Variants in MID1 observed in about 807,000 individuals in gnomAD.
MID1 encodes midline 1, also known as E3 ubiquitin-protein ligase Midline-1.
Under a neutral mutation model 40.4 loss-of-function variants are expected in MID1, and 7 were observed. The observed-to-expected ratio is 0.17, with a 90% CI of 0.10 to 0.33. The LOEUF (loss-of-function observed/expected upper bound fraction) is 0.33, where lower values mean the gene tolerates loss of function less well. MID1 is among the 10% of genes least tolerant of loss of function. The pLI is 1.00. For synonymous variants in MID1, 229 were observed against 221.2 expected (o/e 1.04, Z -0.31); for missense variants, 367 against 558.5 (o/e 0.66, Z 3.46).
At chrX:10,609,713 T>A (rs1342681294) in intron 1 of MID1, among the ~76,000 whole-genome samples, 1 of 104,449 alleles carries the variant, frequency 9.6e-6, no homozygotes, top group African/African-American at 3.8e-5. Flanking sequence ...CTTTCTTTCT[T>A]TCTTTTTTTT....
At chrX:10,522,222 T>G (rs1279301751) in intron 3 of MID1, among the ~76,000 whole-genome samples, 1 of 111,619 alleles carries the variant, frequency 9.0e-6, no homozygotes, top group African/African-American at 3.3e-5. Context: ...TAAGGAAATT[T>G]GGACACATAT....
chrX:10,482,287 C>T (rs1930373392), intron 5 of MID1, among the ~76,000 whole-genome samples, 193 bp downstream of exon 5: 1 of 111,690 alleles, frequency 9.0e-6, no homozygotes, highest in African/African-American at 3.3e-5. Context: ...AGACTCCAGG[C>T]TGTTACTGAA....
At chrX:10,777,694 C>G (rs2043815590) in intron 1 of MID1, among the ~76,000 whole-genome samples, 1 of 109,788 alleles carries the variant, frequency 9.1e-6, no homozygotes, top group African/African-American at 3.3e-5. Context: ...GCATGTGCCA[C>G]CACGCCTGGC....
chrX:10,619,057 T>C (rs1332145804), intron 1 of MID1, among the ~76,000 whole-genome samples: 2 of 111,536 alleles, frequency 1.8e-5, no homozygotes, highest in African/African-American at 6.5e-5. Flanking sequence ...AGACGGCACT[T>C]GCTCCTCCGC....
chrX:10,632,897 T>C (rs1271995812), intron 1 of MID1, among the ~76,000 whole-genome samples: 3 of 111,572 alleles, frequency 2.7e-5, no homozygotes, highest in Non-Finnish European at 5.6e-5. Context: ...GATAAAGTTT[T>C]ATTGGAATGC....
At chrX:10,502,452 T>G (rs906663233) in intron 3 of MID1, among the ~76,000 whole-genome samples, 14 of 111,586 alleles carry the variant, frequency 1.3e-4, no homozygotes, top group Non-Finnish European at 2.4e-4. Context: ...GATATTCTAT[T>G]TCTGGGTGTT....
intron 1 of MID1, among the ~76,000 whole-genome samples, chrX:10,811,123 C>T (rs2147152573): frequency 9.0e-6 from 1 of 111,584 alleles, no homozygotes; most frequent in South Asian, 3.8e-4. Flanking sequence ...TAGCTTATGA[C>T]AACAATGTCA....
intron 1 of MID1, among the ~76,000 whole-genome samples, chrX:10,722,715 G>C (rs2043365065): frequency 1.8e-5 from 2 of 112,034 alleles, no homozygotes; most frequent in Admixed American, 1.9e-4. Context: ...GAGGCCATCA[G>C]AAACCCAAGC....
intron 1 of MID1, among the ~76,000 whole-genome samples, chrX:10,775,758 G>A (rs1358950944): frequency 2.7e-5 from 3 of 111,405 alleles, no homozygotes; most frequent in Non-Finnish European, 5.6e-5. Flanking sequence ...TGTGGGTAAT[G>A]AGACCCAAGA....
chrX:10,778,564 T>C (rs1486699672), intron 1 of MID1, among the ~76,000 whole-genome samples: 2 of 112,377 alleles, frequency 1.8e-5, no homozygotes, highest in Non-Finnish European at 3.8e-5. Context: ...GATAGAAAGA[T>C]GATCCTGGAT....
At chrX:10,583,193 G>A (rs1935058565) in intron 1 of MID1, among the ~76,000 whole-genome samples, 2 of 111,607 alleles carry the variant, frequency 1.8e-5, no homozygotes, top group Admixed American at 1.9e-4. Context: ...CCTGCCCTTG[G>A]AGAGCTTACA....
intron 1 of MID1, among the ~76,000 whole-genome samples, chrX:10,640,456 C>A (rs1160915653): frequency 4.5e-5 from 5 of 111,082 alleles, no homozygotes; most frequent in African/African-American, 1.3e-4. Context: ...ATTCAACAAG[C>A]AGAGCTAACT....
chrX:10,599,395 G>A (rs978740371), intron 1 of MID1, among the ~76,000 whole-genome samples: 5 of 111,853 alleles, frequency 4.5e-5, no homozygotes, highest in Non-Finnish European at 7.5e-5. Context: ...CCTATAATGG[G>A]CTGCTCAAAG....
chrX:10,817,598 T>C (rs1168505654), intron 1 of MID1, among the ~76,000 whole-genome samples: 3 of 104,455 alleles, frequency 2.9e-5, no homozygotes, highest in African/African-American at 1.1e-4. Context: ...CTCTCTCTCT[T>C]TCTTTTCTTT....
chrX:10,788,989 AACAAAAACCAAAAAACAAAAACAAAG>A (rs998670354), intron 1 of MID1, among the ~76,000 whole-genome samples: 2 of 110,538 alleles, frequency 1.8e-5, no homozygotes, highest in African/African-American at 6.7e-5. Context: ...CAAAAACAAA[AACAAAAACCAAAAAACAAAAACAAAG>A]CAAACACAAA....
intron 1 of MID1, among the ~76,000 whole-genome samples, chrX:10,795,644 G>C (rs1430571944): frequency 8.9e-6 from 1 of 112,461 alleles, no homozygotes; most frequent in Non-Finnish European, 1.9e-5. Flanking sequence ...TGTATGAAGA[G>C]TTCTTTAAAG....
chrX:10,765,409 C>T (rs1482441632), intron 1 of MID1, among the ~76,000 whole-genome samples: 1 of 112,336 alleles, frequency 8.9e-6, no homozygotes, highest in African/African-American at 3.2e-5. Context: ...GCAGTATATT[C>T]CTCTTGTGAG....
intron 1 of MID1, among the ~76,000 whole-genome samples, chrX:10,812,548 T>C (rs2044109439): frequency 9.0e-6 from 1 of 110,968 alleles, no homozygotes; most frequent in African/African-American, 3.3e-5. Context: ...GATCAGAAAC[T>C]AGATGAACAT....
chrX:10,470,563 C>T (rs1302433602), intron 6 of MID1, among the ~76,000 whole-genome samples: 2 of 112,417 alleles, frequency 1.8e-5, no homozygotes, highest in African/African-American at 6.5e-5. Flanking sequence ...TAGTCCAGCC[C>T]TATTTTCTTC....
Sources: gnomAD v4.1 joint callset for allele counts (sites outside exome capture counted in the v4.1 genomes callset) on GRCh38, gnomAD v4.1.1 for gene constraint, MANE v1.5 for transcripts, NCBI Gene and HGNC (gene_info 2026-07-23, HGNC 2026-07-21) for gene names.